Variants in SGCZ observed in about 807,000 individuals in gnomAD.
SGCZ encodes zeta-sarcoglycan.
Under a neutral mutation model 41.3 loss-of-function variants are expected in SGCZ, and 40 were observed. That is an observed-to-expected ratio of 0.97 (90% CI 0.75 to 1.26). SGCZ has a LOEUF of 1.26. Among genes scored for constraint, SGCZ ranks in the 50% most tolerant of loss-of-function variants. The pLI is 0.00. For missense variants in SGCZ, 552 were observed against 369.8 expected, an observed-to-expected ratio of 1.49 and a Z score of -4.04; for synonymous variants, 206 against 137.5, an observed-to-expected ratio of 1.50 and a Z score of -3.49.
chr8:14,600,392 G>T (rs1805552797), intron 1 of SGCZ, among the ~76,000 whole-genome samples: 1 of 152,096 alleles, frequency 6.6e-6, no homozygotes, highest in African/African-American at 2.4e-5. Context: ...ACTTGGATGA[G>T]TTGTGTACTC....
chr8:14,770,568 A>C (rs1800202068), intron 1 of SGCZ, among the ~76,000 whole-genome samples: 1 of 152,048 alleles, frequency 6.6e-6, no homozygotes, highest in Admixed American at 6.6e-5. Context: ...AATATTATAA[A>C]GTATACATAT....
rs1285749371 is a variant in SGCZ at position 14,087,041 on chromosome 8, T to C, written c.*3402A>G. On this transcript the variant is annotated 3_prime_UTR_variant, in exon 8 of 8. Coordinates refer to ENST00000382080, the MANE Select transcript of SGCZ (RefSeq NM_139167.4). ...CCAGGGGCAGAACTAGAACTGGAATTGCTGGCTCCATTTTCCGAGATTTGA... is the reference window on the plus strand; with the variant it reads ...CCAGGGGCAGAACTAGAACTGGAATCGCTGGCTCCATTTTCCGAGATTTGA... 6.6e-6 allele frequency among the ~76,000 whole-genome samples: 1 copy of C among 151,360 alleles called. No homozygotes were observed. The highest frequency in any genetic ancestry group is 1.5e-5 in the Non-Finnish European group (1 of 67,512).
At chr8:14,513,961 G>A (rs1439909006) in intron 2 of SGCZ, among the ~76,000 whole-genome samples, 1 of 152,048 alleles carries the variant, frequency 6.6e-6, no homozygotes, top group Non-Finnish European at 1.5e-5. Context: ...TTGGAAAGCT[G>A]TTGACTAAGA....
chr8:14,248,348 G>C (rs1012107909), intron 3 of SGCZ, among the ~76,000 whole-genome samples: 9 of 152,168 alleles, frequency 5.9e-5, no homozygotes, highest in African/African-American at 1.9e-4. Context: ...CTATCATGAT[G>C]ATGGTGATGA....
chr8:15,191,080 C>A lies in SGCZ; in HGVS notation c.39+46505G>T, dbSNP rs956215102. Among the ~76,000 whole-genome samples the A allele has an allele frequency of 3.3e-5, 5 of 151,976 alleles. 1 individual carries two copies. Among genetic ancestry groups the A allele is most frequent in the African/African-American group, 1.2e-4 (5 of 41,304 alleles). ...AAAAACTCCCCAATATACTTTAATA[C>A]AACAATAGTAACTCTAATTTAGATC... On this transcript the variant is annotated intron_variant, in intron 1 of 7. Coordinates refer to ENST00000382080, the MANE Select transcript of SGCZ (RefSeq NM_139167.4).
intron 3 of SGCZ, among the ~76,000 whole-genome samples, chr8:14,312,762 A>T (rs529301468): frequency 6.6e-6 from 1 of 152,304 alleles, no homozygotes; most frequent in South Asian, 2.1e-4. Context: ...ATTCCTATCC[A>T]CTGGAGAGTG....
chr8:14,759,008 CAAAA>C, intron 1 of SGCZ, among the ~76,000 whole-genome samples: 1 of 112,534 alleles, frequency 8.9e-6, no homozygotes, highest in East Asian at 2.7e-4. Context: ...AACTCCATCT[CAAAA>C]AAAAAAAAAA....
chr8:14,586,048 G>A (rs1805046946), intron 1 of SGCZ, among the ~76,000 whole-genome samples: 1 of 152,124 alleles, frequency 6.6e-6, no homozygotes, highest in African/African-American at 2.4e-5. Flanking sequence ...AAAACGTCCA[G>A]CAATACTAAG....
chr8:14,331,716 A>C (rs1802332072), intron 2 of SGCZ, among the ~76,000 whole-genome samples: 1 of 152,058 alleles, frequency 6.6e-6, no homozygotes, highest in South Asian at 2.1e-4. Context: ...TTCATAATTT[A>C]TGTACCTTCA....
intron 1 of SGCZ, among the ~76,000 whole-genome samples, chr8:14,628,282 T>C (rs1476932582): frequency 6.6e-6 from 1 of 152,060 alleles, no homozygotes; most frequent in African/African-American, 2.4e-5. Context: ...ATACATCTCT[T>C]AAAATTTGTC....
At chr8:14,408,966 T>TGTGTGTGTGC (rs1395616202) in intron 2 of SGCZ, among the ~76,000 whole-genome samples, 36 of 136,820 alleles carry the variant, frequency 2.6e-4, no homozygotes, top group Non-Finnish European at 4.6e-4. Context: ...TGTGTGTGTG[T>TGTGTGTGTGC]GTGTGCATGT....
intron 1 of SGCZ, among the ~76,000 whole-genome samples, chr8:15,032,778 C>T (rs1762732533): frequency 6.6e-6 from 1 of 151,980 alleles, no homozygotes; most frequent in Non-Finnish European, 1.5e-5. Context: ...GCCCTAGTAC[C>T]AGGTCAGCTC....
chr8:15,210,045 T>A (rs1313053758), intron 1 of SGCZ, among the ~76,000 whole-genome samples: 3 of 152,202 alleles, frequency 2.0e-5, no homozygotes, highest in Non-Finnish European at 4.4e-5. Flanking sequence ...ACAATACTTC[T>A]TACTCATTAC....
chr8:14,558,961 G>A (rs1257983147), intron 1 of SGCZ, among the ~76,000 whole-genome samples: 3 of 151,804 alleles, frequency 2.0e-5, no homozygotes, highest in Non-Finnish European at 2.9e-5. Context: ...AACAAAACTG[G>A]CACAGAAGGG....
At chr8:14,595,420 C>G (rs1270786775) in intron 1 of SGCZ, among the ~76,000 whole-genome samples, 1 of 151,656 alleles carries the variant, frequency 6.6e-6, no homozygotes, top group East Asian at 1.9e-4. Flanking sequence ...CACACACACA[C>G]ACACACACAC....
intron 1 of SGCZ, among the ~76,000 whole-genome samples, chr8:15,177,166 C>A (rs6992257): frequency 6.6e-6 from 1 of 151,976 alleles, no homozygotes; most frequent in Non-Finnish European, 1.5e-5. Flanking sequence ...AAAATATCAG[C>A]CATAGTTGAA....
At chr8:14,592,146 C>G (rs745395766) in intron 1 of SGCZ, among the ~76,000 whole-genome samples, 1 of 152,088 alleles carries the variant, frequency 6.6e-6, no homozygotes, top group African/African-American at 2.4e-5. Flanking sequence ...TCCTATAAAT[C>G]AGTTGTTTTT....
chr8:15,139,775 C>T (rs1043161875), intron 1 of SGCZ, among the ~76,000 whole-genome samples: 2 of 152,136 alleles, frequency 1.3e-5, no homozygotes, highest in Non-Finnish European at 2.9e-5. Flanking sequence ...CTCCATTTCT[C>T]ACTCTCTCCC....
chr8:15,008,029 TC>T (rs1237145335), intron 1 of SGCZ, among the ~76,000 whole-genome samples: 4 of 152,232 alleles, frequency 2.6e-5, no homozygotes, highest in Non-Finnish European at 4.4e-5. Flanking sequence ...TAAATTGTTG[TC>T]TTTTTCTCTG....
Sources: allele counts gnomAD v4.1 joint callset (sites outside exome capture counted in the v4.1 genomes callset), GRCh38; gene constraint gnomAD v4.1.1; transcripts MANE v1.5; gene names NCBI Gene and HGNC (gene_info 2026-07-23, HGNC 2026-07-21).